BTG3: variants seen among roughly 807,000 people sequenced by gnomAD.
BTG3 encodes the protein protein BTG3.
In BTG3, 4 loss-of-function variants were observed where a neutral mutation model predicts 25.8. The observed-to-expected ratio is 0.16, with a 90% CI of 0.08 to 0.36. The LOEUF is 0.36. BTG3 is among the 10% of genes least tolerant of loss of function. BTG3 has a pLI of 1.00. For missense variants in BTG3, 201 were observed against 304.9 expected (o/e 0.66, Z 2.54); for synonymous variants, 107 against 99.9 (o/e 1.07, Z -0.42).
At chr21:17,610,988 C>CA (rs998496349) in intron 1 of BTG3, among the ~76,000 whole-genome samples, 50 of 152,234 alleles carry the variant, frequency 3.3e-4, no homozygotes, top group African/African-American at 1.1e-3. Context: ...GGAAGGCACA[C>CA]AAATCTTCCT....
Position 17,604,861 on chromosome 21 carries a change from G to A in BTG3, c.310C>T (p.Arg104Trp). ...LWVDPCEVCC[R>W]YGEKNNAFIV... is the part of the protein sequence containing the mutation. ...CAGCCTCTAAACTTGAGAACTCACC[G>A]ACAGCACACCTCACATGGGTCCACC... Residue 104 changes from arginine to tryptophan, a missense_variant and splice_region_variant, in exon 3 of 5, where the codon CGG becomes TGG. This residue lies in a region of BTG3 where 70 missense variants were observed against 175.7 expected (regional missense o/e 0.40). Coordinates refer to ENST00000348354, the MANE Select transcript of BTG3 (RefSeq NM_006806.5). 1.2e-6 allele frequency: 2 copies of A among 1,612,464 alleles called. No individual in the cohort carries two copies.
chr21:17,594,148 C>T lies in BTG3; in HGVS notation c.704G>A (p.Gly235Glu), dbSNP rs1432674024. ...PIPVTWVPPPGMHCDRNHWIN... is the reference protein window; with the variant it reads ...PIPVTWVPPPEMHCDRNHWIN... ...CCAGTGATTCCGGTCACAATGCATT[C>T]CAGGAGGAGGTACCCATGTCACTGG... Residue 235 changes from glycine (G) to glutamate (E), a missense_variant, in exon 5 of 5, where the codon GGA becomes GAA. This residue lies in a region of BTG3 where 131 missense variants were observed against 129.3 expected (regional missense o/e 1.01). Transcript: ENST00000348354. 3.7e-6 allele frequency: 6 copies of T among 1,613,106 alleles called. No homozygotes were observed. The Admixed American group carries it at 8.3e-5, about 22-fold the overall frequency.
chr21:17,596,349 G>T (rs975528782), intron 4 of BTG3, among the ~76,000 whole-genome samples: 1 of 151,948 alleles, frequency 6.6e-6, no homozygotes, highest in Non-Finnish European at 1.5e-5. Context: ...CCCTCTAGAG[G>T]AAATATTTGC....
In BTG3 at chr21:17,612,820, T is replaced by A. The variant is rs1331477728; in HGVS notation, c.-130A>T. On this transcript the variant is annotated 5_prime_UTR_variant, in exon 1 of 5. Transcript: ENST00000348354. ...GCAACAGGGAGCGCAGCGAGCCTCG[T>A]CCGGCGCGTGCGGCTCCCGCGTCGT... 1 of 152,136 alleles carries A rather than the reference T, an allele frequency of 6.6e-6. No individual in the cohort carries two copies. Among genetic ancestry groups the A allele is most frequent in the Non-Finnish European group, 1.5e-5 (1 of 68,076 alleles). The allele number at this position is 152,136 out of a possible 1,614,324, so 9.4% of individuals were successfully genotyped here. A position where few individuals can be genotyped will look rare whatever the true frequency, so the allele number is the denominator to read the frequency against.
intron 3 of BTG3, among the ~76,000 whole-genome samples, chr21:17,600,928 C>T (rs180949612): frequency 5.5e-4 from 83 of 152,256 alleles, no homozygotes; most frequent in Middle Eastern, 3.4e-3. Flanking sequence ...CTTTGGGAGG[C>T]CAAGGCGGGT....
chr21:17,602,207 G>C lies in BTG3; in HGVS notation c.311+2653C>G, dbSNP rs76820140. Among the ~76,000 whole-genome samples the C allele has an allele frequency of 3.0e-3, 462 of 151,862 alleles. 14 individuals carry two copies. The highest frequency in any genetic ancestry group is 2.7e-3 in the East Asian group (14 of 5,166). ...ATGTTGAGTAGATAAGCTGGCATCT[G>C]TTCTCAGAACTTCTCATCATAGGCA... On this transcript the variant is annotated intron_variant, in intron 3 of 4. Transcript: ENST00000348354.
intron 3 of BTG3, chr21:17,604,361 C>T (rs1255919157): frequency 1.0e-5 from 2 of 200,518 alleles, no homozygotes; most frequent in Admixed American, 1.1e-4. Flanking sequence ...AGGAGAATCA[C>T]TTGAACCCGG....
At chr21:17,610,642 G>A (rs2061708037) in intron 1 of BTG3, among the ~76,000 whole-genome samples, 1 of 152,160 alleles carries the variant, frequency 6.6e-6, no homozygotes, top group African/African-American at 2.4e-5. Context: ...TCTACTCAGT[G>A]AGCTCATTCA....
At chr21:17,603,237 A>G (rs776841601) in intron 3 of BTG3, among the ~76,000 whole-genome samples, 11 of 152,216 alleles carry the variant, frequency 7.2e-5, no homozygotes, top group Non-Finnish European at 2.9e-5. Flanking sequence ...TCAGTGGCCA[A>G]AGTTTTCCAA....
Position 17,612,888 on chromosome 21 carries a change from G to A in BTG3, c.-198C>T, listed in dbSNP as rs2044143587. 1 of 151,992 alleles carries A rather than the reference G, an allele frequency of 6.6e-6. No individual in the cohort carries two copies. Among genetic ancestry groups the A allele is most frequent in the South Asian group, 2.1e-4 (1 of 4,836 alleles). The allele number at this position is 151,992 out of a possible 1,614,324, so 9.4% of individuals were successfully genotyped here. On this transcript the variant is annotated 5_prime_UTR_variant, in exon 1 of 5. Transcript: ENST00000348354. The stretch of plus-strand genomic sequence containing the variant: ...GTTGAGAGGACTGGCGGGCGGACGA[G>A]CGCGCACACGAGTGAGCGCAGCCCC...
At chr21:17,603,095 C>T (rs924410376) in intron 3 of BTG3, among the ~76,000 whole-genome samples, 21 of 152,282 alleles carry the variant, frequency 1.4e-4, no homozygotes, top group East Asian at 5.8e-4. Context: ...TAAGAAACCA[C>T]ACAACTAACT....
At chr21:17,607,918 T>C (rs1405911870) in intron 2 of BTG3, among the ~76,000 whole-genome samples, 1 of 152,226 alleles carries the variant, frequency 6.6e-6, no homozygotes, top group Non-Finnish European at 1.5e-5. Flanking sequence ...GAGTCTGCTC[T>C]TCTTTACTTT....
chr21:17,604,156 G>A, intron 3 of BTG3: 7 of 1,280,556 alleles, frequency 5.5e-6, no homozygotes, highest in Non-Finnish European at 6.1e-6. Flanking sequence ...TAATCAAAAA[G>A]GAGGAGGCCG....
rs2061467793 is a variant in BTG3, at chr21:17,593,886, CTT to C, written c.*205_*206del. ...ATTAAAAACTTAGGCACTTGACTAA[CTT>C]TAATAAAATTTCTCAAACTATATCA... On this transcript the variant is annotated 3_prime_UTR_variant, in exon 5 of 5. Transcript: ENST00000348354. 3.2e-6 allele frequency: 2 copies of C among 634,332 alleles called. No individual in the cohort carries two copies. The highest frequency in any genetic ancestry group is 3.1e-5 in the East Asian group (1 of 31,858). The allele number at this position is 634,332 out of a possible 1,614,324, so 39.3% of individuals were successfully genotyped here.
At chr21:17,600,032 AT>A (rs1465779335) in intron 3 of BTG3, among the ~76,000 whole-genome samples, 4 of 152,148 alleles carry the variant, frequency 2.6e-5, no homozygotes, top group African/African-American at 7.2e-5. Context: ...TCTCATCTTA[AT>A]TTTTTTTAAG....
intron 2 of BTG3, among the ~76,000 whole-genome samples, chr21:17,605,539 C>T (rs1006706937): frequency 6.6e-6 from 1 of 152,102 alleles, no homozygotes; most frequent in Non-Finnish European, 1.5e-5. Flanking sequence ...TCATTCATAT[C>T]ATATACTTAT....
At chr21:17,597,375 C>T (rs2061517454) in intron 4 of BTG3, among the ~76,000 whole-genome samples, 4 of 151,724 alleles carry the variant, frequency 2.6e-5, no homozygotes, top group African/African-American at 9.7e-5. Context: ...AATATATAAT[C>T]CATCACACAG....
At position 17,593,969 on chromosome 21, in the gene BTG3, A is replaced by T. The variant is rs2061469210; in HGVS notation, c.*124T>A. On this transcript the variant is annotated 3_prime_UTR_variant, in exon 5 of 5. Coordinates refer to ENST00000348354, the MANE Select transcript of BTG3 (RefSeq NM_006806.5). ...GATTATTCTCAATAACTTCTATAAA[A>T]ATAAGTTTGATGGTTTGGCCCATCT... The T allele has an allele frequency of 1.8e-6, 2 of 1,138,590 alleles. No homozygotes were observed. The highest frequency in any genetic ancestry group is 3.2e-5 in the African/African-American group (2 of 63,012). The allele number at this position is 1,138,590 out of a possible 1,614,324, so 70.5% of individuals were successfully genotyped here.
intron 3 of BTG3, among the ~76,000 whole-genome samples, chr21:17,599,854 T>A (rs1021242356): frequency 3.3e-5 from 5 of 152,198 alleles, no homozygotes; most frequent in African/African-American, 1.2e-4. Flanking sequence ...CCTATAAAAT[T>A]GACTTTAACC....
Sources: allele counts gnomAD v4.1 joint callset (sites outside exome capture counted in the v4.1 genomes callset), GRCh38; gene constraint gnomAD v4.1.1; regional missense constraint gnomAD v4.1.1; transcripts MANE v1.5; gene names NCBI Gene and HGNC (gene_info 2026-07-23, HGNC 2026-07-21).